VTI1A: variants seen among roughly 807,000 people sequenced by gnomAD.
The protein encoded by VTI1A is vesicle transport through interaction with t-SNAREs 1A.
A neutral mutation model predicts 34.9 loss-of-function variants in VTI1A; 22 were observed. The observed-to-expected ratio is 0.63, with a 90% CI of 0.45 to 0.90. The LOEUF (loss-of-function observed/expected upper bound fraction) is 0.90. Among genes scored for constraint, VTI1A ranks in the 40% least tolerant of loss-of-function variants. The pLI, the probability that VTI1A is intolerant of heterozygous loss-of-function variation, is 0.00. For synonymous variants in VTI1A, 87 were observed against 97.3 expected (o/e 0.89, Z 0.62); for missense variants, 268 against 275.6 (o/e 0.97, Z 0.20).
chr10:112,508,927 G>A (rs545478679), intron 3 of VTI1A, among the ~76,000 whole-genome samples: 4 of 152,266 alleles, frequency 2.6e-5, no homozygotes, highest in African/African-American at 9.6e-5. Context: ...AAAGCAAAAA[G>A]ACCAAAATTG....
chr10:112,646,775 T>G (rs1188410778), intron 5 of VTI1A, among the ~76,000 whole-genome samples: 1 of 152,070 alleles, frequency 6.6e-6, no homozygotes, highest in Non-Finnish European at 1.5e-5. Flanking sequence ...CCTCCCAAAG[T>G]GCTGGAATTA....
chr10:112,758,842 T>C (rs1017266671), intron 7 of VTI1A, among the ~76,000 whole-genome samples: 2 of 152,238 alleles, frequency 1.3e-5, no homozygotes, highest in African/African-American at 4.8e-5. Flanking sequence ...ATACACATCA[T>C]TGCTTTTTAA....
At chr10:112,730,159 T>A (rs923492427) in intron 7 of VTI1A, among the ~76,000 whole-genome samples, 1 of 152,210 alleles carries the variant, frequency 6.6e-6, no homozygotes, top group Non-Finnish European at 1.5e-5. Context: ...ACATGAACAA[T>A]CTGCATTATT....
intron 7 of VTI1A, among the ~76,000 whole-genome samples, chr10:112,757,619 C>G (rs1851333674): frequency 6.6e-6 from 1 of 152,078 alleles, no homozygotes; most frequent in South Asian, 2.1e-4. Context: ...CTCATGGCCT[C>G]AAGTGATCTG....
chr10:112,698,467 A>G (rs1307613369), intron 7 of VTI1A, among the ~76,000 whole-genome samples: 2 of 152,218 alleles, frequency 1.3e-5, no homozygotes, highest in Non-Finnish European at 2.9e-5. Flanking sequence ...TGAAACCAAG[A>G]CAGGAAAAAA....
intron 7 of VTI1A, among the ~76,000 whole-genome samples, chr10:112,793,929 T>C (rs1662402742): frequency 6.6e-6 from 1 of 152,202 alleles, no homozygotes; most frequent in South Asian, 2.1e-4. Flanking sequence ...GCAGTCAAGC[T>C]GTGTCGGCAA....
chr10:112,553,399 T>C (rs1031072856), intron 5 of VTI1A, among the ~76,000 whole-genome samples: 2 of 152,240 alleles, frequency 1.3e-5, no homozygotes, highest in Admixed American at 1.3e-4. Flanking sequence ...GAGAGATAAA[T>C]GTGATAAACT....
At chr10:112,643,295 G>A (rs1295244677) in intron 5 of VTI1A, among the ~76,000 whole-genome samples, 1 of 150,900 alleles carries the variant, frequency 6.6e-6, no homozygotes, top group Non-Finnish European at 1.5e-5. Flanking sequence ...CACAGTGTCG[G>A]GCCTCTCTGA....
At chr10:112,502,851 C>T (rs548129050) in intron 3 of VTI1A, among the ~76,000 whole-genome samples, 16 of 152,262 alleles carry the variant, frequency 1.1e-4, no homozygotes, top group Middle Eastern at 3.4e-3. Context: ...TTTCTTTTAT[C>T]ATAATTAACT....
At chr10:112,567,103 C>T (rs1851931463) in intron 5 of VTI1A, among the ~76,000 whole-genome samples, 1 of 151,986 alleles carries the variant, frequency 6.6e-6, no homozygotes, top group Non-Finnish European at 1.5e-5. Context: ...AATCACAGCT[C>T]ACTGCAGCCT....
At chr10:112,756,388 G>A (rs547612501) in intron 7 of VTI1A, among the ~76,000 whole-genome samples, 2 of 152,248 alleles carry the variant, frequency 1.3e-5, no homozygotes, top group East Asian at 3.9e-4. Context: ...GTTCCACGCA[G>A]CATTTACACT....
intron 7 of VTI1A, among the ~76,000 whole-genome samples, chr10:112,797,297 A>G (rs1044597985): frequency 2.6e-5 from 4 of 152,196 alleles, no homozygotes; most frequent in African/African-American, 9.6e-5. Context: ...ACAGAGAGAA[A>G]TATGCTTTAG....
At chr10:112,700,145 A>C (rs943425142) in intron 7 of VTI1A, among the ~76,000 whole-genome samples, 122 of 150,968 alleles carry the variant, frequency 8.1e-4, no homozygotes, top group East Asian at 1.4e-3. Context: ...ACAAAACAAA[A>C]AAAAAAAAAC....
chr10:112,657,647 A>T (rs913042082), intron 5 of VTI1A, among the ~76,000 whole-genome samples: 1 of 152,210 alleles, frequency 6.6e-6, no homozygotes, highest in East Asian at 1.9e-4. Flanking sequence ...AACTAAAACT[A>T]TAAAACTCTT....
At chr10:112,667,885 G>A (rs893966985) in intron 5 of VTI1A, among the ~76,000 whole-genome samples, 1 of 152,086 alleles carries the variant, frequency 6.6e-6, no homozygotes, top group Non-Finnish European at 1.5e-5. Flanking sequence ...AAAACCAACA[G>A]CTAAATTCCA....
At chr10:112,624,774 C>G (rs1050814002) in intron 5 of VTI1A, among the ~76,000 whole-genome samples, 3 of 152,128 alleles carry the variant, frequency 2.0e-5, no homozygotes, top group Non-Finnish European at 4.4e-5. Context: ...TTATTCTTCA[C>G]TTGAATAATT....
At chr10:112,830,849 A>ATATATATATATATTTTTTTTTTTTTT in the VTI1A span, among the ~76,000 whole-genome samples, 1 of 33,508 alleles carries the variant, frequency 3.0e-5, no homozygotes, top group African/African-American at 1.4e-4. Context: ...ATATATATAT[A>ATATATATATATATTTTTTTTTTTTTT]TTTTTTTTTT....
At position 112,656,416 on chromosome 10, in the gene VTI1A, T is replaced by C. The variant is rs1484378557; in HGVS notation, c.428-11802T>C. On this transcript the variant is annotated intron_variant, in intron 5 of 7. Coordinates refer to ENST00000393077, the MANE Select transcript of VTI1A (RefSeq NM_145206.4). ...TTTTTTTTTTTTTTTTTAAACAGGG[T>C]CTTTCTCTGTCACCCAGGCTGGCCT... 3.3e-5 allele frequency among the ~76,000 whole-genome samples: 5 copies of C among 149,846 alleles called. No homozygotes were observed. The Admixed American group carries it at 3.4e-4, about 10-fold the overall frequency.
intron 2 of VTI1A, among the ~76,000 whole-genome samples, chr10:112,463,713 G>A (rs946277684): frequency 3.3e-5 from 5 of 152,042 alleles, no homozygotes; most frequent in Non-Finnish European, 7.3e-5. Context: ...CCATATAAAT[G>A]TGGTTATAAA....
Sources: allele counts gnomAD v4.1 joint callset (sites outside exome capture counted in the v4.1 genomes callset), GRCh38; gene constraint gnomAD v4.1.1; transcripts MANE v1.5; gene names NCBI Gene and HGNC (gene_info 2026-07-23, HGNC 2026-07-21).